WWOX: variants seen among roughly 807,000 people sequenced by gnomAD.
The protein encoded by WWOX is WW domain containing oxidoreductase.
WWOX carries 69 observed loss-of-function variants against 46.2 expected under a neutral mutation model. The ratio of observed to expected loss-of-function variants is 1.49; its 90% confidence interval spans 1.23 to 1.82. The LOEUF is 1.82. WWOX is among the 40% of genes most tolerant of loss of function. The pLI is 0.00. For missense variants in WWOX, 919 were observed against 542.6 expected (o/e 1.69, Z -6.89); for synonymous variants, 359 against 202.6 (o/e 1.77, Z -6.56).
intron 8 of WWOX, among the ~76,000 whole-genome samples, chr16:78,866,997 A>T (rs922484505): frequency 6.6e-6 from 1 of 152,218 alleles, no homozygotes; most frequent in Non-Finnish European, 1.5e-5. Flanking sequence ...GTGATTTGTC[A>T]TAAACGCTCC....
At chr16:78,689,949 C>A (rs1457503152) in intron 8 of WWOX, among the ~76,000 whole-genome samples, 1 of 152,128 alleles carries the variant, frequency 6.6e-6, no homozygotes, top group Non-Finnish European at 1.5e-5. Flanking sequence ...CAACCTCTGC[C>A]TCGCAGGCTC....
chr16:78,611,624 A>G lies in WWOX; in HGVS notation c.1056+178872A>G, dbSNP rs114541486. Among the ~76,000 whole-genome samples, 270 of 152,306 alleles carry G rather than the reference A, an allele frequency of 1.8e-3. 3 individuals are homozygous for G. Among genetic ancestry groups the G allele is most frequent in the African/African-American group, 6.2e-3 (259 of 41,560 alleles). ...TTATTTTGGCAACATATTTGGGAAA[A>G]TGATAGTTAGATGCTGCGTTAGCCA... On this transcript the variant is annotated intron_variant, in intron 8 of 8. Transcript: ENST00000566780.
intron 5 of WWOX, chr16:78,167,980 G>C (rs1384555725): frequency 6.6e-6 from 1 of 152,160 alleles, no homozygotes; most frequent in African/African-American, 2.4e-5. Context: ...CTGCTGGCCA[G>C]CTTGAGCGTA....
chr16:79,048,192 T>C (rs930488103), intron 8 of WWOX, among the ~76,000 whole-genome samples: 9 of 152,154 alleles, frequency 5.9e-5, no homozygotes, highest in African/African-American at 2.2e-4. Context: ...TTTCTATTTT[T>C]TGAACTGAAG....
At chr16:78,606,879 G>C (rs1021308457) in intron 8 of WWOX, among the ~76,000 whole-genome samples, 1 of 152,246 alleles carries the variant, frequency 6.6e-6, no homozygotes, top group Admixed American at 6.5e-5. Context: ...TGAGTGGGCA[G>C]GGATTGTTGG....
chr16:78,340,669 C>A (rs151046981), intron 5 of WWOX, among the ~76,000 whole-genome samples: 3 of 119,996 alleles, frequency 2.5e-5, no homozygotes, highest in African/African-American at 8.4e-5. Context: ...TTGGGAAAAC[C>A]ACTGTGTTTG....
At chr16:79,097,627 C>A (rs973037118) in intron 8 of WWOX, among the ~76,000 whole-genome samples, 1 of 152,164 alleles carries the variant, frequency 6.6e-6, no homozygotes, top group Non-Finnish European at 1.5e-5. Flanking sequence ...CGACATTCAA[C>A]ATCGTACTCC....
intron 8 of WWOX, among the ~76,000 whole-genome samples, chr16:79,136,919 C>G (rs896777893): frequency 1.3e-5 from 2 of 152,160 alleles, no homozygotes; most frequent in Non-Finnish European, 2.9e-5. Flanking sequence ...GGCAGTAGAT[C>G]AATCAATTAC....
intron 8 of WWOX, among the ~76,000 whole-genome samples, chr16:78,606,214 C>G (rs941041150): frequency 1.3e-5 from 2 of 152,208 alleles, no homozygotes; most frequent in Non-Finnish European, 2.9e-5. Context: ...AAAACACATA[C>G]TTCTTTTCAA....
chr16:79,153,030 G>A (rs973040891), intron 8 of WWOX, among the ~76,000 whole-genome samples: 1 of 152,148 alleles, frequency 6.6e-6, no homozygotes, highest in African/African-American at 2.4e-5. Flanking sequence ...AAAGAGCCGG[G>A]CAAGGAGACC....
At chr16:78,642,288 G>A (rs752764622) in intron 8 of WWOX, among the ~76,000 whole-genome samples, 4 of 152,174 alleles carry the variant, frequency 2.6e-5, no homozygotes, top group Non-Finnish European at 5.9e-5. Context: ...GGGAGGAGGT[G>A]GAGGATAAAG....
At chr16:78,291,522 C>G (rs924740534) in intron 5 of WWOX, among the ~76,000 whole-genome samples, 1 of 152,152 alleles carries the variant, frequency 6.6e-6, no homozygotes, top group Non-Finnish European at 1.5e-5. Flanking sequence ...GACTGGGAAC[C>G]TGGGAAAACT....
At chr16:78,726,348 C>A (rs995157185) in intron 8 of WWOX, among the ~76,000 whole-genome samples, 1 of 151,952 alleles carries the variant, frequency 6.6e-6, no homozygotes, top group African/African-American at 2.4e-5. Flanking sequence ...ACCTCAGCCT[C>A]CCGGGTAGCT....
chr16:78,120,217 A>G (rs2033019496), intron 4 of WWOX, among the ~76,000 whole-genome samples: 1 of 152,166 alleles, frequency 6.6e-6, no homozygotes, highest in African/African-American at 2.4e-5. Context: ...GAGGTATAAA[A>G]AGTACGTGCT....
chr16:78,396,280 G>T (rs533308579), intron 6 of WWOX, among the ~76,000 whole-genome samples: 3 of 151,954 alleles, frequency 2.0e-5, no homozygotes, highest in South Asian at 4.2e-4. Context: ...ATCAATTAGG[G>T]GTCACTTAGC....
At chr16:78,650,841 G>A (rs149457598) in intron 8 of WWOX, among the ~76,000 whole-genome samples, 47 of 152,302 alleles carry the variant, frequency 3.1e-4, no homozygotes, top group African/African-American at 1.0e-3. Context: ...CAGCCACGCT[G>A]ATGTAGACAG....
intron 8 of WWOX, among the ~76,000 whole-genome samples, chr16:78,589,124 A>G (rs997822057): frequency 6.6e-6 from 1 of 152,072 alleles, no homozygotes; most frequent in African/African-American, 2.4e-5. Context: ...TTAGCTCTCA[A>G]GTTTTGGCAG....
chr16:78,612,197 T>G (rs1283093634), intron 8 of WWOX, among the ~76,000 whole-genome samples: 1 of 152,052 alleles, frequency 6.6e-6, no homozygotes, highest in Non-Finnish European at 1.5e-5. Flanking sequence ...TTCCCAAGAG[T>G]GATTCTAACA....
intron 8 of WWOX, among the ~76,000 whole-genome samples, chr16:78,519,756 A>T (rs937919395): frequency 1.3e-5 from 2 of 152,084 alleles, no homozygotes; most frequent in Non-Finnish European, 2.9e-5. Context: ...AGGAGCCCAC[A>T]AGCAGGTGCC....
Sources: gnomAD v4.1 joint callset for allele counts (sites outside exome capture counted in the v4.1 genomes callset) on GRCh38, gnomAD v4.1.1 for gene constraint, MANE v1.5 for transcripts, NCBI Gene and HGNC (gene_info 2026-07-23, HGNC 2026-07-21) for gene names.